Variants in TERT observed in about 807,000 individuals in gnomAD.
TERT encodes telomerase catalytic subunit.
In TERT, 42 loss-of-function variants were observed where a neutral mutation model predicts 104.0. The ratio of observed to expected loss-of-function variants is 0.40; its 90% CI spans 0.32 to 0.52. The LOEUF (loss-of-function observed/expected upper bound fraction) is 0.52. Among genes scored for constraint, TERT ranks in the 20% least tolerant of loss-of-function variants. TERT has a pLI of 0.43. For synonymous variants in TERT, 781 were observed against 725.6 expected (o/e 1.08, Z -1.23); for missense variants, 1,101 against 1,610.3 (o/e 0.68, Z 5.41).
At chr5:1,275,111 AC>A (rs1176895787) in intron 6 of TERT, among the ~76,000 whole-genome samples, 1 of 152,178 alleles carries the variant, frequency 6.6e-6, no homozygotes, top group Non-Finnish European at 1.5e-5. Flanking sequence ...GCGGCGGTTC[AC>A]ACCTGTCATC....
chr5:1,294,439 C>G lies in TERT; in HGVS notation c.447G>C (p.Leu149=), dbSNP rs778951942. 6.3e-7 allele frequency: 1 copy of G among 1,592,570 alleles called. No individual in the cohort carries two copies. The highest frequency in any genetic ancestry group is 8.5e-7 in the Non-Finnish European group (1 of 1,177,350). ...LLLRRVGDDV[L]VHLLARCALF... ...GCGCGCAGCGTGCCAGCAGGTGAAC[C>G]AGCACGTCGTCGCCCACGCGGCGCA... Residue 149 remains leucine (L), a synonymous_variant, in exon 2 of 16, where the codon CTG becomes CTC. Transcript: ENST00000310581.
Position 1,286,689 on chromosome 5 carries a change from C to G in TERT, c.1574-4065G>C, listed in dbSNP as rs926919803. Reference sequence around the variant, plus strand: ...GGTCAGGAGTTTGAGACCAGCCTGGCCAACATGGTGAAAGCCTATCTCTAC... The same window carrying G: ...GGTCAGGAGTTTGAGACCAGCCTGGGCAACATGGTGAAAGCCTATCTCTAC... On this transcript the variant is annotated intron_variant, in intron 2 of 15. Transcript: ENST00000310581. This position sits in a 1 kb window ranked among gnomAD's most constrained non-coding sequence, Gnocchi z 5.3. Among the ~76,000 whole-genome samples, 1 of 151,950 alleles carries G rather than the reference C, an allele frequency of 6.6e-6. No individual in the cohort carries two copies. The highest frequency in any genetic ancestry group is 1.5e-5 in the Non-Finnish European group (1 of 67,978).
rs115362410 is a variant in TERT at position 1,282,980 on chromosome 5, C to T, written c.1574-356G>A. ...ACATACAGCCCACCGCAGGGCCTGG[C>T]GACCTCACTCCGGACCTGCACCATC... On this transcript the variant is annotated intron_variant, in intron 2 of 15. Transcript: ENST00000310581. 2,437 of 365,716 alleles carry T rather than the reference C, an allele frequency of 6.7e-3. 78 individuals carry two copies. The highest frequency in any genetic ancestry group is 0.051 in the African/African-American group (2,229 of 43,482). 22.7% of individuals were successfully genotyped at this position (365,716 alleles called of 1,614,324 possible). A position where few individuals can be genotyped will look rare whatever the true frequency, so the allele number is the denominator to read the frequency against.
chr5:1,281,421 G>A (rs1393518861), intron 3 of TERT, among the ~76,000 whole-genome samples: 1 of 152,212 alleles, frequency 6.6e-6, no homozygotes, highest in Admixed American at 6.5e-5. Flanking sequence ...CGAGTGTGCA[G>A]GGGAGCTGGG....
intron 2 of TERT, among the ~76,000 whole-genome samples, chr5:1,284,419 A>T (rs1336713817): frequency 6.8e-5 from 10 of 146,116 alleles, no homozygotes; most frequent in Non-Finnish European, 1.4e-4. Context: ...CGGACACCGC[A>T]TATCCAGCTC....
At chr5:1,282,365 T>C (rs1401946932) in intron 3 of TERT, 64 bp downstream of exon 3, 7 of 1,561,864 alleles carry the variant, frequency 4.5e-6, no homozygotes, top group South Asian at 1.1e-5. Flanking sequence ...GACAGGCGCA[T>C]GCTGAGGCCG....
rs1751047455 is a variant in TERT, at chr5:1,292,350, C to A, written c.1573+963G>T. On this transcript the variant is annotated intron_variant, in intron 2 of 15. Coordinates refer to ENST00000310581, the MANE Select transcript of TERT (RefSeq NM_198253.3). The surrounding 1 kb of genome is among the most constrained non-coding windows in gnomAD (Gnocchi z 5.5). ...GGGACACGGCAGGGCCCAGCAGCAC[C>A]ATCCCCTGAACACCCACAAACACTG... Among the ~76,000 whole-genome samples, 1 of 152,072 alleles carries A rather than the reference C, an allele frequency of 6.6e-6. No homozygotes were observed. The highest frequency in any genetic ancestry group is 2.1e-4 in the South Asian group (1 of 4,814).
At chr5:1,277,346 C>T (rs1749668779) in intron 6 of TERT, among the ~76,000 whole-genome samples, 1 of 152,250 alleles carries the variant, frequency 6.6e-6, no homozygotes, top group Non-Finnish European at 1.5e-5. Context: ...AGCAGGCTCA[C>T]AGCAGGCGCA....
intron 2 of TERT, chr5:1,283,139 C>A: frequency 3.3e-6 from 1 of 301,540 alleles, no homozygotes. Flanking sequence ...GGATACAGCA[C>A]ATCCAGCTCA....
chr5:1,266,670 CTT>C, intron 9 of TERT, 135 bp from the exon 10 acceptor site: 1 of 791,014 alleles, frequency 1.3e-6, no homozygotes. Context: ...AAATGAAAAA[CTT>C]AAATTTCTTT....
intron 7 of TERT, 35 bp downstream of exon 7, chr5:1,272,150 A>G: frequency 6.5e-7 from 1 of 1,528,682 alleles, no homozygotes; most frequent in Non-Finnish European, 8.9e-7. Flanking sequence ...CACTGCTGGG[A>G]GTCCGTGCCC....
At position 1,272,229 on chromosome 5, in the gene TERT, G is replaced by A. The variant is rs560146437; in HGVS notation, c.2338C>T (p.Leu780=). ...QPYMRQFVAH[L]QETSPLRDAV... ...TCCCTCAGCGGGCTGGTCTCCTGCA[G>A]GTGAGCCACGAACTGTCGCATGTAC... The change falls in exon 7 of 16, where the codon CTG becomes TTG. Residue 780 remains leucine, a synonymous_variant. Coordinates refer to ENST00000310581, the MANE Select transcript of TERT (RefSeq NM_198253.3). 1 of 1,612,886 alleles carries A rather than the reference G, an allele frequency of 6.2e-7. No homozygotes were observed. Among genetic ancestry groups the A allele is most frequent in the African/African-American group, 1.3e-5 (1 of 75,046 alleles).
In TERT at chr5:1,263,618, T is replaced by C. The variant is rs1748380670; in HGVS notation, c.2843+786A>G. On this transcript the variant is annotated intron_variant, in intron 11 of 15. Transcript: ENST00000310581. The surrounding 1 kb of genome is among the most constrained non-coding windows in gnomAD (Gnocchi z 5.3). The stretch of plus-strand genomic sequence containing the variant: ...ATGGAATTTCACTATGTTGGTTAGG[T>C]TGGCCTCAAACTCCTGGCCTCAAGT... 6.6e-6 allele frequency among the ~76,000 whole-genome samples: 1 copy of C among 152,198 alleles called. No individual in the cohort carries two copies. Among genetic ancestry groups the C allele is most frequent in the South Asian group, 2.1e-4 (1 of 4,828 alleles).
rs892197226 is a variant in TERT, at chr5:1,286,519, G to A, written c.1574-3895C>T. On this transcript the variant is annotated intron_variant, in intron 2 of 15. Transcript: ENST00000310581. The surrounding 1 kb of genome is among the most constrained non-coding windows in gnomAD (Gnocchi z 5.3). ...GCACACAGGCTGGGGGGTGGCCAGA[G>A]CTAAAATACACTAAGGGTCTTATTG... 6.6e-6 allele frequency among the ~76,000 whole-genome samples: 1 copy of A among 152,186 alleles called. No homozygotes were observed. Among genetic ancestry groups the A allele is most frequent in the Non-Finnish European group, 1.5e-5 (1 of 68,040 alleles).
At chr5:1,294,713 G>A (rs376647798) in intron 1 of TERT, 47 bp from the exon 2 acceptor site, 40 of 1,576,198 alleles carry the variant, frequency 2.5e-5, no homozygotes, top group Non-Finnish European at 3.4e-5. Flanking sequence ...TCCGCATGTC[G>A]CTGGTTCCCC....
chr5:1,272,324 C>T, intron 6 of TERT, 44 bp from the exon 7 acceptor site: 2 of 1,520,268 alleles, frequency 1.3e-6, no homozygotes, highest in Non-Finnish European at 1.8e-6. Context: ...GTGGCCTGCC[C>T]CGGCCAGAGC....
At position 1,263,103 on chromosome 5, in the gene TERT, G is replaced by A. The variant is rs1748348884; in HGVS notation, c.2843+1301C>T. 6.6e-6 allele frequency among the ~76,000 whole-genome samples: 1 copy of A among 152,152 alleles called. No homozygotes were observed. Among genetic ancestry groups the A allele is most frequent in the South Asian group, 2.1e-4 (1 of 4,822 alleles). The stretch of plus-strand genomic sequence containing the variant: ...CACCTGCCACTCCCCCATCATGAGG[G>A]CGTCTGCACCTGCTGCTCCCCCATC... On this transcript the variant is annotated intron_variant, in intron 11 of 15. Coordinates refer to ENST00000310581, the MANE Select transcript of TERT (RefSeq NM_198253.3). This position sits in a 1 kb window ranked among gnomAD's most constrained non-coding sequence, Gnocchi z 5.3.
In TERT at chr5:1,260,649, GC is replaced by G. The variant is rs1267582156; in HGVS notation, c.2844-50del. The G allele has an allele frequency of 3.1e-6, 5 of 1,609,132 alleles. No individual in the cohort carries two copies. The East Asian group carries it at 1.1e-4, about 36-fold the overall frequency. On this transcript the variant is annotated intron_variant, in intron 11 of 15. Transcript: ENST00000310581. ...GACACAGGTGCCTGCCCCACACCCAGCCCCCTCCTGCAAAGCTTGCTCCAAA... is the reference window on the plus strand; with the variant it reads ...GACACAGGTGCCTGCCCCACACCCAGCCCCTCCTGCAAAGCTTGCTCCAAA...
At position 1,263,356 on chromosome 5, in the gene TERT, A is replaced by G. The variant is rs35617524; in HGVS notation, c.2843+1048T>C. On this transcript the variant is annotated intron_variant, in intron 11 of 15. Coordinates refer to ENST00000310581, the MANE Select transcript of TERT (RefSeq NM_198253.3). The surrounding 1 kb of genome is among the most constrained non-coding windows in gnomAD (Gnocchi z 5.3). ...GCACAGCACCAGTAAATATTATCGAAGGACAGAATAAAAAAACACCTGTCC... is the reference window on the plus strand; with the variant it reads ...GCACAGCACCAGTAAATATTATCGAGGGACAGAATAAAAAAACACCTGTCC... 4.3e-3 allele frequency among the ~76,000 whole-genome samples: 650 copies of G among 152,152 alleles called. 4 individuals carry two copies. The highest frequency in any genetic ancestry group is 0.015 in the African/African-American group (621 of 41,490).
Sources: allele counts gnomAD v4.1 joint callset (sites outside exome capture counted in the v4.1 genomes callset), GRCh38; gene constraint gnomAD v4.1.1; non-coding constraint Gnocchi (gnomAD v3.1); transcripts MANE v1.5; gene names NCBI Gene and HGNC (gene_info 2026-07-23, HGNC 2026-07-21).